Variants in EDEM2 observed in about 807,000 individuals in gnomAD.
EDEM2 encodes ER degradation-enhancing alpha-mannosidase-like protein 2.
EDEM2 carries 39 observed loss-of-function variants against 64.8 expected under a neutral mutation model. The observed-to-expected ratio is 0.60, with a 90% CI of 0.47 to 0.79. The LOEUF (loss-of-function observed/expected upper bound fraction) is 0.79. EDEM2 is among the 30% of genes least tolerant of loss of function. EDEM2 has a pLI of 0.00. For missense variants in EDEM2, 609 were observed against 731.3 expected (o/e 0.83, Z 1.93); for synonymous variants, 296 against 291.5 (o/e 1.02, Z -0.16).
intron 7 of EDEM2, among the ~76,000 whole-genome samples, chr20:35,129,606 A>G (rs2085481802): frequency 6.6e-6 from 1 of 152,100 alleles, no homozygotes; most frequent in Non-Finnish European, 1.5e-5. Context: ...GGAGAAAGAA[A>G]AAAAAATTTA....
chr20:35,126,041 A>G (rs944783346), intron 8 of EDEM2, among the ~76,000 whole-genome samples: 1 of 152,180 alleles, frequency 6.6e-6, no homozygotes, highest in African/African-American at 2.4e-5. Context: ...GTAACACTCC[A>G]TGGCAAACTG....
In EDEM2 at chr20:35,126,690, A is replaced by T. The variant is rs1335624199; in HGVS notation, c.845-315T>A. Among the ~76,000 whole-genome samples the T allele has an allele frequency of 3.3e-5, 5 of 152,242 alleles. No individual in the cohort carries two copies. In the East Asian group the frequency reaches 5.8e-4, roughly 18 times the overall value. On this transcript the variant is annotated intron_variant, in intron 7 of 10. Coordinates refer to ENST00000374492, the MANE Select transcript of EDEM2 (RefSeq NM_018217.3). ...CACTTTGGGAGGCCGAGGTGGGCGGATCACCTGAGATTGGGAGTTCGAGAC... is the reference window on the plus strand; with the variant it reads ...CACTTTGGGAGGCCGAGGTGGGCGGTTCACCTGAGATTGGGAGTTCGAGAC...
At chr20:35,146,413 G>A (rs1339041024) in intron 2 of EDEM2, among the ~76,000 whole-genome samples, 1 of 152,066 alleles carries the variant, frequency 6.6e-6, no homozygotes, top group African/African-American at 2.4e-5. Flanking sequence ...TGTATTTCAG[G>A]CACGGGGCAC....
At position 35,135,013 on chromosome 20, in the gene EDEM2, G is replaced by A. The variant is rs2085557409; in HGVS notation, c.491-64C>T. On this transcript the variant is annotated intron_variant, in intron 5 of 10. Coordinates refer to ENST00000374492, the MANE Select transcript of EDEM2 (RefSeq NM_018217.3). ...GGGGATAGGGATAGTTCTGATACAC[G>A]CCCAAAGCCTGGGACCTTAGCCAGC... 6.6e-6 allele frequency: 10 copies of A among 1,518,630 alleles called. No homozygotes were observed. The East Asian group carries it at 6.8e-5, about 10-fold the overall frequency. The allele number at this position is 1,518,630 out of a possible 1,614,324, so 94.1% of individuals were successfully genotyped here. A position where few individuals can be genotyped will look rare whatever the true frequency, so the allele number is the denominator to read the frequency against.
intron 6 of EDEM2, among the ~76,000 whole-genome samples, chr20:35,133,078 A>G (rs928794300): frequency 1.3e-5 from 2 of 152,156 alleles, no homozygotes; most frequent in African/African-American, 4.8e-5. Flanking sequence ...GGTTTCCACC[A>G]TGGGAACTGG....
chr20:35,146,289 T>C (rs774690440), intron 2 of EDEM2, among the ~76,000 whole-genome samples: 1 of 152,142 alleles, frequency 6.6e-6, no homozygotes, highest in Non-Finnish European at 1.5e-5. Context: ...CTCCCGACCT[T>C]AGCACATTCG....
rs776809556 is a variant in EDEM2, at chr20:35,134,804, C to T, written c.636G>A (p.Pro212=). The T allele has an allele frequency of 7.4e-6, 12 of 1,613,958 alleles. No individual in the cohort carries two copies. Among genetic ancestry groups the T allele is most frequent in the East Asian group, 4.5e-5 (2 of 44,886 alleles). The change falls in exon 6 of 11, where the codon CCG becomes CCA. Residue 212 remains proline (P), a synonymous_variant. Transcript: ENST00000374492. ...CCACTCTGGCCACATCTTCGAACAC[C>T]GGGTCACCAGTGAGGCTGCTCAGGG... The part of the protein sequence containing the change: ...FATLSSLTGD[P]VFEDVARVAL...
intron 6 of EDEM2, 125 bp downstream of exon 6, chr20:35,134,613 G>C (rs1034926745): frequency 1.8e-6 from 2 of 1,094,298 alleles, no homozygotes; most frequent in Non-Finnish European, 2.6e-6. Context: ...TTGGTGTCCT[G>C]AGCCCAAATC....
chr20:35,116,882 C>T (rs781572303), intron 10 of EDEM2, among the ~76,000 whole-genome samples: 3 of 152,016 alleles, frequency 2.0e-5, no homozygotes, highest in South Asian at 2.1e-4. Context: ...CTCTGCCTCC[C>T]GGGTTCAAGC....
intron 9 of EDEM2, among the ~76,000 whole-genome samples, chr20:35,119,410 C>T (rs1394846668): frequency 2.0e-5 from 3 of 152,030 alleles, no homozygotes; most frequent in African/African-American, 7.2e-5. Flanking sequence ...GCCTGGGCAA[C>T]ATGGCGAGAT....
chr20:35,129,772 CTGTACTTTTTCTATGTTT>C, intron 7 of EDEM2, among the ~76,000 whole-genome samples: 1 of 152,236 alleles, frequency 6.6e-6, no homozygotes, highest in Admixed American at 6.5e-5. Flanking sequence ...TGTATTTGTA[CTGTACTTTTTCTATGTTT>C]ATATACATAC....
At chr20:35,128,870 G>T (rs1020186717) in intron 7 of EDEM2, among the ~76,000 whole-genome samples, 2 of 150,940 alleles carry the variant, frequency 1.3e-5, no homozygotes, top group African/African-American at 2.5e-5. Flanking sequence ...CTGTATAGCT[G>T]TACAATGTGT....
chr20:35,130,099 T>A (rs1282146345), intron 7 of EDEM2, among the ~76,000 whole-genome samples: 5 of 152,166 alleles, frequency 3.3e-5, no homozygotes, highest in African/African-American at 7.2e-5. Flanking sequence ...GACAGGGTCT[T>A]ACTCTGTCAC....
intron 6 of EDEM2, among the ~76,000 whole-genome samples, chr20:35,132,923 C>T (rs17092332): frequency 0.041 from 6,169 of 152,232 alleles, 410 homozygotes; most frequent in African/African-American, 0.14. Context: ...AACTGTTCCG[C>T]GTTGGTTTGT....
At chr20:35,144,220 G>C (rs993093710) in intron 3 of EDEM2, among the ~76,000 whole-genome samples, 1 of 151,712 alleles carries the variant, frequency 6.6e-6, no homozygotes, top group Non-Finnish European at 1.5e-5. Context: ...TAAGCATCAG[G>C]TTTCTTAACG....
rs748822225 is a variant in EDEM2, at chr20:35,134,959, C to A, written c.491-10G>T. On this transcript the variant is annotated splice_polypyrimidine_tract_variant and intron_variant, in intron 5 of 10. Transcript: ENST00000374492. The stretch of plus-strand genomic sequence containing the variant: ...GTGGGGGTCTGAAAGGCTGAACAAT[C>A]GACAAATTATGATCCCGGACAGGAG... 6 of 1,613,136 alleles carry A rather than the reference C, an allele frequency of 3.7e-6. No individual in the cohort carries two copies. The highest frequency in any genetic ancestry group is 5.1e-6 in the Non-Finnish European group (6 of 1,179,890).
chr20:35,124,169 T>C, intron 8 of EDEM2, 135 bp from the exon 9 acceptor site: 3 of 1,130,552 alleles, frequency 2.7e-6, no homozygotes, highest in South Asian at 3.2e-5. Flanking sequence ...AGTTACTCAG[T>C]GTGGTGCTGA....
At chr20:35,127,052 C>A (rs1272542002) in intron 7 of EDEM2, among the ~76,000 whole-genome samples, 1 of 152,126 alleles carries the variant, frequency 6.6e-6, no homozygotes, top group Non-Finnish European at 1.5e-5. Context: ...GGGCCGTTTC[C>A]CCCATACTGT....
intron 6 of EDEM2, 93 bp from the exon 7 acceptor site, chr20:35,131,876 A>G: frequency 6.8e-7 from 1 of 1,465,040 alleles, no homozygotes; most frequent in Admixed American, 2.1e-5. Context: ...AGGGAGATGC[A>G]GGGCAGGTGC....
Sources: allele counts gnomAD v4.1 joint callset (sites outside exome capture counted in the v4.1 genomes callset), GRCh38; gene constraint gnomAD v4.1.1; transcripts MANE v1.5; gene names NCBI Gene and HGNC (gene_info 2026-07-23, HGNC 2026-07-21).